Variants in CPNE4 observed in about 807,000 individuals in gnomAD.
The protein encoded by CPNE4 is copine 4.
Under a neutral mutation model 67.9 loss-of-function variants are expected in CPNE4, and 25 were observed. The observed-to-expected ratio is 0.37, with a 90% CI of 0.27 to 0.51. The LOEUF (loss-of-function observed/expected upper bound fraction) is 0.51. CPNE4 is among the 20% of genes least tolerant of loss of function. The pLI is 0.93. For synonymous variants in CPNE4, 242 were observed against 244.9 expected, an observed-to-expected ratio of 0.99 and a Z score of 0.11; for missense variants, 464 against 690.8, an observed-to-expected ratio of 0.67 and a Z score of 3.68.
At chr3:131,963,730 T>C (rs758802033) in intron 1 of CPNE4, among the ~76,000 whole-genome samples, 15 of 152,152 alleles carry the variant, frequency 9.9e-5, no homozygotes, top group Non-Finnish European at 1.8e-4. Context: ...AGGCAGCAGC[T>C]CCAGTCACGG....
chr3:131,810,676 C>T (rs1234445961), intron 2 of CPNE4, among the ~76,000 whole-genome samples: 1 of 152,138 alleles, frequency 6.6e-6, no homozygotes, highest in African/African-American at 2.4e-5. Flanking sequence ...AGCAAACCCA[C>T]TTCTGGGTAT....
chr3:131,837,062 C>T (rs1310737973), intron 2 of CPNE4, among the ~76,000 whole-genome samples: 2 of 152,000 alleles, frequency 1.3e-5, no homozygotes, highest in African/African-American at 2.4e-5. Flanking sequence ...AAAATAATGG[C>T]AATATTGGCA....
At chr3:131,716,898 G>C (rs547580113) in intron 3 of CPNE4, among the ~76,000 whole-genome samples, 1 of 152,346 alleles carries the variant, frequency 6.6e-6, no homozygotes, top group South Asian at 2.1e-4. Context: ...CCATGTACAC[G>C]TCAGCACTAG....
chr3:131,978,029 T>A, intron 1 of CPNE4, among the ~76,000 whole-genome samples: 1 of 126,094 alleles, frequency 7.9e-6, no homozygotes, highest in Admixed American at 9.6e-5. Context: ...TTTTTATGGC[T>A]GCATAGTATT....
At chr3:131,926,943 G>A (rs529554333) in intron 1 of CPNE4, among the ~76,000 whole-genome samples, 3 of 152,004 alleles carry the variant, frequency 2.0e-5, no homozygotes, top group Non-Finnish European at 4.4e-5. Flanking sequence ...ATAAGAGAGG[G>A]GTACAGAATT....
intron 1 of CPNE4, among the ~76,000 whole-genome samples, chr3:131,945,518 G>T (rs1187268423): frequency 6.6e-6 from 1 of 152,174 alleles, no homozygotes; most frequent in Non-Finnish European, 1.5e-5. Context: ...CCTTTGATGA[G>T]CAGTCTTTGT....
intron 7 of CPNE4, among the ~76,000 whole-genome samples, chr3:131,608,828 G>A (rs550147625): frequency 4.7e-4 from 71 of 152,180 alleles, no homozygotes; most frequent in African/African-American, 1.7e-3. Flanking sequence ...GATGGTCTCT[G>A]CCTACTTCTC....
intron 7 of CPNE4, among the ~76,000 whole-genome samples, chr3:131,664,255 C>T (rs917109721): frequency 6.6e-6 from 1 of 152,180 alleles, no homozygotes; most frequent in African/African-American, 2.4e-5. Context: ...AGTACCCTCT[C>T]ACCATTTTCT....
chr3:131,953,238 T>TAAAAAAAAAAAAA (rs369308316), intron 1 of CPNE4, among the ~76,000 whole-genome samples: 1 of 75,702 alleles, frequency 1.3e-5, no homozygotes, highest in African/African-American at 5.0e-5. Flanking sequence ...GAATGATCAA[T>TAAAAAAAAAAAAA]TAAAAAAAAA....
intron 10 of CPNE4, among the ~76,000 whole-genome samples, chr3:131,574,171 C>G (rs1054791365): frequency 6.6e-6 from 1 of 152,100 alleles, no homozygotes; most frequent in African/African-American, 2.4e-5. Context: ...AGTCAGGGAG[C>G]TGAACAGGGC....
intron 1 of CPNE4, among the ~76,000 whole-genome samples, chr3:131,922,930 A>G (rs2070779872): frequency 6.6e-6 from 1 of 152,214 alleles, no homozygotes; most frequent in Non-Finnish European, 1.5e-5. Context: ...AATTTGAAAG[A>G]ACTATGATTT....
chr3:131,792,619 GTATA>G lies in CPNE4; in HGVS notation c.181-68998_181-68995del, dbSNP rs1163869780. ...TATGTATATGTGTGTGTGTATATAT[GTATA>G]TATATATACACACGTGTATATATGT... On this transcript the variant is annotated intron_variant, in intron 2 of 15. Transcript: ENST00000429747. 2.8e-4 allele frequency among the ~76,000 whole-genome samples: 16 copies of G among 56,974 alleles called. 1 individual carries two copies. The highest frequency in any genetic ancestry group is 1.2e-3 in the East Asian group (2 of 1,736). The allele number at this position is 56,974 out of a possible 152,430, so 37.4% of individuals were successfully genotyped here.
intron 2 of CPNE4, among the ~76,000 whole-genome samples, chr3:131,827,077 T>G (rs564085380): frequency 2.0e-5 from 3 of 151,994 alleles, no homozygotes; most frequent in Admixed American, 2.0e-4. Context: ...ACAAAACAAC[T>G]TCAGTCTCAG....
chr3:131,658,512 A>G (rs2080038885), intron 7 of CPNE4, among the ~76,000 whole-genome samples: 1 of 152,238 alleles, frequency 6.6e-6, no homozygotes, highest in Non-Finnish European at 1.5e-5. Flanking sequence ...CAGAGAGAAA[A>G]TAATTCGTTT....
intron 2 of CPNE4, among the ~76,000 whole-genome samples, chr3:131,823,941 C>G (rs2085055654): frequency 6.6e-6 from 1 of 152,100 alleles, no homozygotes. Context: ...TAACACCCAG[C>G]AAGAGATTAC....
intron 2 of CPNE4, among the ~76,000 whole-genome samples, chr3:131,795,641 G>C (rs1246012608): frequency 1.3e-5 from 2 of 152,136 alleles, no homozygotes; most frequent in Non-Finnish European, 2.9e-5. Context: ...CCAGTCTATG[G>C]AGGGTGTACA....
intron 7 of CPNE4, among the ~76,000 whole-genome samples, chr3:131,651,041 C>A (rs1249280595): frequency 2.0e-5 from 3 of 152,022 alleles, no homozygotes; most frequent in Middle Eastern, 3.4e-3. Flanking sequence ...GTGCTATTTC[C>A]TAGGTGAGGC....
chr3:131,562,969 T>C (rs1936858420), intron 11 of CPNE4, among the ~76,000 whole-genome samples: 1 of 152,048 alleles, frequency 6.6e-6, no homozygotes, highest in South Asian at 2.1e-4. Context: ...CTGGACCTGC[T>C]CATTCATTCC....
At chr3:131,567,810 A>G (rs1049810112) in intron 10 of CPNE4, among the ~76,000 whole-genome samples, 1 of 151,998 alleles carries the variant, frequency 6.6e-6, no homozygotes, top group African/African-American at 2.4e-5. Context: ...AGAATAATAT[A>G]TTTTGAAGAT....
Sources: allele counts gnomAD v4.1 joint callset (sites outside exome capture counted in the v4.1 genomes callset), GRCh38; gene constraint gnomAD v4.1.1; transcripts MANE v1.5; gene names NCBI Gene and HGNC (gene_info 2026-07-23, HGNC 2026-07-21).